Variants in PDE4D observed in about 807,000 individuals in gnomAD.
The protein encoded by PDE4D is phosphodiesterase 4D.
A neutral mutation model predicts 87.4 loss-of-function variants in PDE4D; 24 were observed. The observed-to-expected ratio is 0.27, with a 90% CI of 0.20 to 0.39. PDE4D has a LOEUF of 0.39. Ranked by LOEUF, PDE4D falls within the 10% of genes least tolerant of loss-of-function variation. The pLI is 1.00. For synonymous variants in PDE4D, 384 were observed against 383.2 expected (o/e 1.00, Z -0.02); for missense variants, 714 against 1,041.0 (o/e 0.69, Z 4.32).
At chr5:60,106,806 C>T (rs1222892718) in intron 2 of PDE4D, among the ~76,000 whole-genome samples, 9 of 151,788 alleles carry the variant, frequency 5.9e-5, no homozygotes. Context: ...TTCTTTGAAA[C>T]CAACGAGAAC....
chr5:59,685,645 A>G (rs533175505), intron 1 of PDE4D, among the ~76,000 whole-genome samples: 16 of 152,032 alleles, frequency 1.1e-4, no homozygotes, highest in Non-Finnish European at 2.1e-4. Context: ...CTTTTAAACT[A>G]CTCTGCCTTC....
At chr5:59,779,962 G>T (rs918129952) in intron 1 of PDE4D, among the ~76,000 whole-genome samples, 1 of 152,138 alleles carries the variant, frequency 6.6e-6, no homozygotes, top group Non-Finnish European at 1.5e-5. Context: ...GAGATCCCAC[G>T]TTTTTTCCTC....
intron 1 of PDE4D, among the ~76,000 whole-genome samples, chr5:59,458,571 C>T (rs1198225441): frequency 1.3e-5 from 2 of 152,138 alleles, no homozygotes; most frequent in Non-Finnish European, 2.9e-5. Flanking sequence ...CACCTTCTAT[C>T]GTTGTTGAAC....
Position 60,280,335 on chromosome 5 carries a change from T to TATATAC in PDE4D, c.-89-94649_-89-94648insGTATAT, listed in dbSNP as rs1215325880. Among the ~76,000 whole-genome samples the TATATAC allele has an allele frequency of 2.9e-4, 41 of 142,574 alleles. No homozygotes were observed. In the East Asian group the frequency reaches 4.9e-3, roughly 17 times the overall value. 93.5% of individuals were successfully genotyped at this position (142,574 alleles called of 152,430 possible). ...ATACATATATATATATAAATATATA[T>TATATAC]ACACACATATATATAAAATATCCAA... On this transcript the variant is annotated intron_variant, in intron 1 of 16. Coordinates refer to the PDE4D transcript ENST00000502484.
chr5:59,215,591 AT>A, intron 2 of PDE4D, 185 bp downstream of exon 2: 1 of 554,100 alleles, frequency 1.8e-6, no homozygotes, highest in South Asian at 2.0e-5. Flanking sequence ...GTGTGTGTTA[AT>A]CAAGAGTGAC....
intron 1 of PDE4D, among the ~76,000 whole-genome samples, chr5:59,886,077 G>A (rs1389798766): frequency 1.3e-5 from 2 of 152,032 alleles, no homozygotes; most frequent in East Asian, 1.9e-4. Context: ...AAAAAGACAA[G>A]GTTTCATTAT....
chr5:59,891,215 A>C (rs965029255), intron 1 of PDE4D, among the ~76,000 whole-genome samples: 1 of 152,198 alleles, frequency 6.6e-6, no homozygotes, highest in Non-Finnish European at 1.5e-5. Flanking sequence ...ATAAATTCAA[A>C]TCAATGATGC....
intron 1 of PDE4D, among the ~76,000 whole-genome samples, chr5:60,198,014 GA>G (rs1203969715): frequency 3.6e-5 from 5 of 138,758 alleles, no homozygotes; most frequent in East Asian, 2.0e-4. Context: ...AATAACAGCA[GA>G]AAAAAAAGTG....
intron 1 of PDE4D, among the ~76,000 whole-genome samples, chr5:59,271,106 C>A (rs975584685): frequency 6.6e-6 from 1 of 151,490 alleles, no homozygotes; most frequent in Non-Finnish European, 1.5e-5. Context: ...GTGGCACGAT[C>A]TTGGCTCACT....
rs556683259 is a variant in PDE4D at position 60,480,496 on chromosome 5, A to C, written c.-90+7446T>G. Among the ~76,000 whole-genome samples, 4 of 152,274 alleles carry C rather than the reference A, an allele frequency of 2.6e-5. No homozygotes were observed. In the South Asian group the frequency reaches 8.3e-4, roughly 32 times the overall value. On this transcript the variant is annotated intron_variant, in intron 1 of 16. Transcript: ENST00000502484. ...ATTAAATGGAGGTACATGAAGATTA[A>C]TTAGTTTGTCCAGAGTAACTCAGGT...
At chr5:59,520,392 TGATAAA>T (rs1811980232) in intron 1 of PDE4D, among the ~76,000 whole-genome samples, 2 of 152,182 alleles carry the variant, frequency 1.3e-5, no homozygotes, top group African/African-American at 2.4e-5. Flanking sequence ...CCACAGTGCC[TGATAAA>T]GGTGCTTAAA....
chr5:60,276,808 C>T (rs1751407350), intron 1 of PDE4D, among the ~76,000 whole-genome samples: 2 of 151,506 alleles, frequency 1.3e-5, no homozygotes, highest in Admixed American at 6.6e-5. Flanking sequence ...CTCTTTGTCA[C>T]TAGTATTTTT....
intron 11 of PDE4D, 38 bp from the exon 12 acceptor site, chr5:58,977,383 GT>G: frequency 6.3e-7 from 1 of 1,577,118 alleles, no homozygotes; most frequent in Non-Finnish European, 8.6e-7. Context: ...CAGCAAAACT[GT>G]TTGTGAGAAG....
intron 1 of PDE4D, among the ~76,000 whole-genome samples, chr5:60,510,627 C>T (rs912644716): frequency 2.6e-5 from 4 of 152,142 alleles, no homozygotes; most frequent in Non-Finnish European, 5.9e-5. Context: ...GGAGGTGATA[C>T]AGCTGGAAGG....
At chr5:60,178,636 G>A (rs908991975) in intron 2 of PDE4D, among the ~76,000 whole-genome samples, 2 of 152,016 alleles carry the variant, frequency 1.3e-5, no homozygotes, top group Non-Finnish European at 2.9e-5. Flanking sequence ...AATAAAAGTT[G>A]GACATTTAAT....
intron 5 of PDE4D, among the ~76,000 whole-genome samples, chr5:59,095,861 A>T (rs1334008941): frequency 6.6e-6 from 1 of 152,208 alleles, no homozygotes; most frequent in African/African-American, 2.4e-5. Flanking sequence ...CTAAAACAGA[A>T]TTCAGGCTAA....
At chr5:59,107,356 T>C (rs1184714507) in intron 5 of PDE4D, among the ~76,000 whole-genome samples, 1 of 152,084 alleles carries the variant, frequency 6.6e-6, no homozygotes, top group East Asian at 1.9e-4. Context: ...TTACAGGCAT[T>C]CACCACCATG....
chr5:60,316,203 G>A (rs148914859), intron 1 of PDE4D, among the ~76,000 whole-genome samples: 21 of 152,002 alleles, frequency 1.4e-4, no homozygotes, highest in African/African-American at 3.6e-4. Context: ...GGTCCTTCAC[G>A]TCCCTTGTAT....
intron 5 of PDE4D, among the ~76,000 whole-genome samples, chr5:59,075,075 A>AACACAC (rs70973189): frequency 0.021 from 2,757 of 129,804 alleles, 76 homozygotes; most frequent in African/African-American, 0.061. Flanking sequence ...AAGCTTACAA[A>AACACAC]ACACACACAC....
Sources: gnomAD v4.1 joint callset for allele counts (sites outside exome capture counted in the v4.1 genomes callset) on GRCh38, gnomAD v4.1.1 for gene constraint, MANE v1.5 for transcripts, NCBI Gene and HGNC (gene_info 2026-07-23, HGNC 2026-07-21) for gene names.